The following EXOC6B variants were observed in gnomAD, a reference collection of about 807,000 sequenced individuals.
EXOC6B encodes SEC15 homolog B.
EXOC6B carries 54 observed loss-of-function variants against 113.5 expected under a neutral mutation model. That is an observed-to-expected ratio of 0.48 (90% CI 0.38 to 0.60). The LOEUF is 0.60. Ranked by LOEUF, EXOC6B falls within the 20% of genes least tolerant of loss-of-function variation. The pLI is 0.00. For missense variants in EXOC6B, 797 were observed against 977.5 expected (o/e 0.82, Z 2.46); for synonymous variants, 357 against 339.0 (o/e 1.05, Z -0.58).
chr2:72,749,825 A>G (rs963487305), intron 1 of EXOC6B, among the ~76,000 whole-genome samples: 2 of 151,990 alleles, frequency 1.3e-5, no homozygotes, highest in Non-Finnish European at 2.9e-5. Flanking sequence ...GTAGAAACAC[A>G]GCAGTGAATA....
At chr2:72,388,700 T>G (rs564615824) in intron 18 of EXOC6B, among the ~76,000 whole-genome samples, 1 of 152,284 alleles carries the variant, frequency 6.6e-6, no homozygotes, top group East Asian at 1.9e-4. Flanking sequence ...ATCTTTTCAG[T>G]TCTGCCAGTT....
At chr2:72,784,989 T>C (rs1017558699) in intron 1 of EXOC6B, among the ~76,000 whole-genome samples, 1 of 152,064 alleles carries the variant, frequency 6.6e-6, no homozygotes, top group Non-Finnish European at 1.5e-5. Flanking sequence ...CTAGATACAA[T>C]GGGGATACAG....
chr2:72,804,031 T>C (rs1224305841), intron 1 of EXOC6B, among the ~76,000 whole-genome samples: 3 of 152,192 alleles, frequency 2.0e-5, no homozygotes, highest in Admixed American at 1.3e-4. Flanking sequence ...TTCTGAGCTA[T>C]GTATATCACC....
chr2:72,512,456 G>A (rs1700988866), intron 11 of EXOC6B, among the ~76,000 whole-genome samples: 1 of 151,262 alleles, frequency 6.6e-6, no homozygotes, highest in African/African-American at 2.4e-5. Flanking sequence ...AGGAAAGAAG[G>A]AAGGGAATTC....
chr2:72,317,861 G>C (rs953731351), intron 20 of EXOC6B, among the ~76,000 whole-genome samples: 5 of 152,020 alleles, frequency 3.3e-5, no homozygotes, highest in Non-Finnish European at 7.4e-5. Flanking sequence ...CCATAATATT[G>C]CTATAAGGAG....
intron 18 of EXOC6B, among the ~76,000 whole-genome samples, chr2:72,412,911 C>CTTCCT (rs1247746381): frequency 1.3e-5 from 2 of 151,018 alleles, no homozygotes; most frequent in Non-Finnish European, 2.9e-5. Flanking sequence ...CCTTCCTTTC[C>CTTCCT]TTCCTTTCCT....
At chr2:72,712,681 C>G (rs1007074058) in intron 6 of EXOC6B, among the ~76,000 whole-genome samples, 1 of 152,224 alleles carries the variant, frequency 6.6e-6, no homozygotes, top group Non-Finnish European at 1.5e-5. Flanking sequence ...CTAACATCTT[C>G]TATCTCTGAC....
chr2:72,207,489 T>C (rs1458678724), intron 20 of EXOC6B, among the ~76,000 whole-genome samples: 1 of 152,178 alleles, frequency 6.6e-6, no homozygotes, highest in Non-Finnish European at 1.5e-5. Context: ...AATAGTTAAT[T>C]CACGCAAAAG....
intron 17 of EXOC6B, among the ~76,000 whole-genome samples, chr2:72,478,451 A>G (rs963344158): frequency 2.6e-5 from 4 of 152,246 alleles, no homozygotes; most frequent in African/African-American, 9.6e-5. Context: ...TGTAGCTGTT[A>G]TAATTGCCAT....
intron 20 of EXOC6B, among the ~76,000 whole-genome samples, chr2:72,237,276 G>A (rs1682022483): frequency 6.6e-6 from 1 of 152,186 alleles, no homozygotes; most frequent in Non-Finnish European, 1.5e-5. Context: ...CATGTGTGCT[G>A]TGTGACAGGT....
At chr2:72,639,572 C>T (rs536357590) in intron 6 of EXOC6B, among the ~76,000 whole-genome samples, 1 of 152,302 alleles carries the variant, frequency 6.6e-6, no homozygotes, top group Admixed American at 6.5e-5. Flanking sequence ...ATCCCACTGT[C>T]ACTGCACTAC....
chr2:72,191,141 G>A (rs1198076511), intron 20 of EXOC6B, among the ~76,000 whole-genome samples: 2 of 152,128 alleles, frequency 1.3e-5, no homozygotes. Context: ...ACAAAAATGT[G>A]TGTAAGTGGA....
chr2:72,491,969 C>T (rs1469375871), intron 16 of EXOC6B, among the ~76,000 whole-genome samples: 2 of 152,214 alleles, frequency 1.3e-5, no homozygotes, highest in South Asian at 4.1e-4. Context: ...CTACGTTGTA[C>T]ATGAACTGCC....
intron 6 of EXOC6B, among the ~76,000 whole-genome samples, chr2:72,646,598 C>T (rs934146164): frequency 6.6e-6 from 1 of 152,104 alleles, no homozygotes; most frequent in Non-Finnish European, 1.5e-5. Flanking sequence ...AAAGCTTATC[C>T]ACCACAATCA....
chr2:72,359,847 GTGCCC>G lies in EXOC6B; in HGVS notation c.2122+19877_2122+19881del, dbSNP rs578084561. Among the ~76,000 whole-genome samples the G allele has an allele frequency of 3.0e-3, 453 of 152,228 alleles. 1 individual carries two copies. Among genetic ancestry groups the G allele is most frequent in the Non-Finnish European group, 5.2e-3 (351 of 68,008 alleles). ...GAGCAGAGCCCTTATAAATGGCTTG[GTGCCC>G]TCCCCACAGTAATGAGTTCATGTGA... On this transcript the variant is annotated intron_variant, in intron 19 of 21. Transcript: ENST00000272427.
At chr2:72,407,912 A>T (rs1490744415) in intron 18 of EXOC6B, among the ~76,000 whole-genome samples, 1 of 152,218 alleles carries the variant, frequency 6.6e-6, no homozygotes, top group Non-Finnish European at 1.5e-5. Context: ...TGAGGAAAAG[A>T]GGAAGTCAAA....
At chr2:72,579,887 A>C (rs1324257258) in intron 6 of EXOC6B, among the ~76,000 whole-genome samples, 3 of 152,126 alleles carry the variant, frequency 2.0e-5, no homozygotes, top group Non-Finnish European at 2.9e-5. Context: ...AACAGGGGAG[A>C]AACAAAGCTT....
intron 17 of EXOC6B, among the ~76,000 whole-genome samples, chr2:72,468,348 T>C (rs1698187936): frequency 6.6e-6 from 1 of 152,192 alleles, no homozygotes; most frequent in Admixed American, 6.5e-5. Context: ...AGGAACAAAT[T>C]TCATTCTTGT....
At chr2:72,497,566 C>T (rs1399758761) in intron 13 of EXOC6B, among the ~76,000 whole-genome samples, 1 of 152,018 alleles carries the variant, frequency 6.6e-6, no homozygotes, top group Non-Finnish European at 1.5e-5. Context: ...AGAGATAAGA[C>T]TCCCTTAAAT....
Sources: gnomAD v4.1 joint callset for allele counts (sites outside exome capture counted in the v4.1 genomes callset) on GRCh38, gnomAD v4.1.1 for gene constraint, MANE v1.5 for transcripts, NCBI Gene and HGNC (gene_info 2026-07-23, HGNC 2026-07-21) for gene names.